The following PARD3B variants were observed in gnomAD, a reference collection of about 807,000 sequenced individuals.
The protein encoded by PARD3B is partitioning defective 3 homolog B.
PARD3B carries 103 observed loss-of-function variants against 130.2 expected under a neutral mutation model. That is an observed-to-expected ratio of 0.79 (90% CI 0.67 to 0.93). The LOEUF (loss-of-function observed/expected upper bound fraction) is 0.93, where lower values mean the gene tolerates loss of function less well. PARD3B is among the 40% of genes least tolerant of loss of function. The pLI is 0.00. For missense variants in PARD3B, 1,609 were observed against 1,499.2 expected (o/e 1.07, Z -1.21); for synonymous variants, 583 against 553.2 (o/e 1.05, Z -0.76).
chr2:205,430,782 G>C (rs2047306159), intron 19 of PARD3B, among the ~76,000 whole-genome samples: 2 of 152,210 alleles, frequency 1.3e-5, no homozygotes, highest in Admixed American at 1.3e-4. Flanking sequence ...GTACAGTTCA[G>C]TACATTTAAT....
chr2:205,002,274 A>AC (rs1694907299), intron 3 of PARD3B, among the ~76,000 whole-genome samples: 1 of 152,198 alleles, frequency 6.6e-6, no homozygotes, highest in Non-Finnish European at 1.5e-5. Context: ...TTTAAAAAGT[A>AC]AAGTCTAAAG....
At chr2:204,701,662 T>C in intron 2 of PARD3B, among the ~76,000 whole-genome samples, 1 of 152,208 alleles carries the variant, frequency 6.6e-6, no homozygotes, top group African/African-American at 2.4e-5. Flanking sequence ...TCTGGAAGTA[T>C]TCACCAATTG....
intron 21 of PARD3B, among the ~76,000 whole-genome samples, chr2:205,500,626 T>G (rs1208314874): frequency 6.6e-6 from 1 of 152,140 alleles, no homozygotes; most frequent in Non-Finnish European, 1.5e-5. Context: ...CACGATTCAC[T>G]CTCTTGTTTT....
chr2:205,193,073 G>A, intron 14 of PARD3B, 132 bp from the exon 15 acceptor site: 1 of 604,476 alleles, frequency 1.7e-6, no homozygotes. Flanking sequence ...TGAGATTTAA[G>A]AATTAGTTGA....
At chr2:205,201,791 C>G (rs908851198) in intron 15 of PARD3B, among the ~76,000 whole-genome samples, 1 of 152,168 alleles carries the variant, frequency 6.6e-6, no homozygotes, top group Non-Finnish European at 1.5e-5. Context: ...GAGCGGAGAT[C>G]ACGCCATTGC....
Position 205,564,935 on chromosome 2 carries a change from C to T in PARD3B, c.3260+11532C>T, listed in dbSNP as rs1450911379. 1.3e-5 allele frequency among the ~76,000 whole-genome samples: 2 copies of T among 152,156 alleles called. No homozygotes were observed. Among genetic ancestry groups the T allele is most frequent in the East Asian group, 1.9e-4 (1 of 5,184 alleles). On this transcript the variant is annotated intron_variant, in intron 22 of 22. Transcript: ENST00000406610. This position sits in a 1 kb window ranked among gnomAD's most constrained non-coding sequence, Gnocchi z 4.6. ...GGCTTGTCTCACCAGAGGGTTGCCC[C>T]ACTCTGCAATCAGAACTGACCCTTA...
rs2035222729 is a variant in PARD3B at position 205,172,365 on chromosome 2, C to G, written c.1775C>G (p.Pro592Arg). ...GMIQLVILRRPERPMEDPAEC... is the reference protein window; with the variant it reads ...GMIQLVILRRRERPMEDPAEC... ...ATCCAGTTGGTGATTCTGAGGAGGCCAGAGAGACCAATGGAGGTGATGCAA... is the reference window on the plus strand; with the variant it reads ...ATCCAGTTGGTGATTCTGAGGAGGCGAGAGAGACCAATGGAGGTGATGCAA... Residue 592 changes from proline (P) to arginine (R), a missense_variant, in exon 12 of 23, where the codon CCA becomes CGA. Transcript: ENST00000406610. 1 of 1,613,758 alleles carries G rather than the reference C, an allele frequency of 6.2e-7. No homozygotes were observed. The highest frequency in any genetic ancestry group is 1.3e-5 in the African/African-American group (1 of 74,898).
At chr2:205,398,464 T>C (rs2046115015) in intron 18 of PARD3B, among the ~76,000 whole-genome samples, 1 of 152,162 alleles carries the variant, frequency 6.6e-6, no homozygotes. Flanking sequence ...TGGGGGATGA[T>C]AGCATTAGAG....
At chr2:204,748,951 A>G (rs1045753462) in intron 2 of PARD3B, among the ~76,000 whole-genome samples, 3 of 152,054 alleles carry the variant, frequency 2.0e-5, no homozygotes, top group African/African-American at 4.8e-5. Flanking sequence ...GTTCTTGCAA[A>G]CTTGATCATT....
At position 205,460,613 on chromosome 2, in the gene PARD3B, A is replaced by G. The variant is rs1179509965; in HGVS notation, c.3044+19941A>G. Among the ~76,000 whole-genome samples the G allele has an allele frequency of 6.6e-6, 1 of 152,160 alleles. No homozygotes were observed. The highest frequency in any genetic ancestry group is 1.9e-4 in the East Asian group (1 of 5,196). On this transcript the variant is annotated intron_variant, in intron 20 of 22. Coordinates refer to ENST00000406610, the MANE Select transcript of PARD3B (RefSeq NM_001302769.2). The surrounding 1 kb of genome is among the most constrained non-coding windows in gnomAD (Gnocchi z 4.9). ...TTGAAGCTGGGCATAAATCCTAGGT[A>G]TAAATCCTAACTCCACAGCTGCTGT...
chr2:205,053,857 C>T (rs1699406125), intron 4 of PARD3B, among the ~76,000 whole-genome samples: 1 of 151,986 alleles, frequency 6.6e-6, no homozygotes, highest in Non-Finnish European at 1.5e-5. Context: ...ATGTAATATA[C>T]TACTGCATTA....
At chr2:205,047,040 T>C (rs991336089) in intron 3 of PARD3B, among the ~76,000 whole-genome samples, 4 of 152,234 alleles carry the variant, frequency 2.6e-5, no homozygotes, top group African/African-American at 9.6e-5. Context: ...TCTATCTACT[T>C]TAGGAGAAGA....
chr2:205,298,478 G>A (rs1042258494), intron 16 of PARD3B, among the ~76,000 whole-genome samples: 6 of 113,924 alleles, frequency 5.3e-5, no homozygotes, highest in African/African-American at 2.0e-4. Context: ...CCTGAAATTT[G>A]TCCCTGAAAT....
chr2:204,914,192 G>T (rs1384053563), intron 2 of PARD3B, among the ~76,000 whole-genome samples: 3 of 152,170 alleles, frequency 2.0e-5, no homozygotes. Flanking sequence ...TCTGTGAGAT[G>T]AGGGTCTGTT....
At chr2:205,219,397 C>T (rs771972214) in intron 15 of PARD3B, among the ~76,000 whole-genome samples, 1 of 152,016 alleles carries the variant, frequency 6.6e-6, no homozygotes, top group African/African-American at 2.4e-5. Flanking sequence ...GCACATAAAC[C>T]CCCAAAGTTA....
chr2:204,829,975 G>A (rs1239873763), intron 2 of PARD3B, among the ~76,000 whole-genome samples: 62 of 145,368 alleles, frequency 4.3e-4, no homozygotes, highest in Non-Finnish European at 3.1e-4. Flanking sequence ...CTCCAGCCTG[G>A]GCGACAGAGC....
chr2:205,197,199 A>G (rs72936148), intron 15 of PARD3B, among the ~76,000 whole-genome samples: 1 of 152,194 alleles, frequency 6.6e-6, no homozygotes, highest in Non-Finnish European at 1.5e-5. Flanking sequence ...TTTTGATTAA[A>G]TCATTTATTT....
At chr2:205,581,281 G>GAT (rs370799984) in intron 22 of PARD3B, among the ~76,000 whole-genome samples, 1 of 101,994 alleles carries the variant, frequency 9.8e-6, no homozygotes, top group African/African-American at 3.9e-5. Flanking sequence ...GATAGATATA[G>GAT]ATATATAGAT....
chr2:205,224,783 A>AT lies in PARD3B; in HGVS notation c.2141-20986dup, dbSNP rs555402187. ...CTTTTTTATGGCTGAATAGTACCTG[A>AT]TTTTTTTTTCTTTTCTCATAATTTT... On this transcript the variant is annotated intron_variant, in intron 15 of 22. Transcript: ENST00000406610. Among the ~76,000 whole-genome samples, 500 of 151,280 alleles carry AT rather than the reference A, an allele frequency of 3.3e-3. 3 individuals are homozygous for AT. Among genetic ancestry groups the AT allele is most frequent in the Admixed American group, 7.2e-3 (109 of 15,164 alleles).
Sources: allele counts gnomAD v4.1 joint callset (sites outside exome capture counted in the v4.1 genomes callset), GRCh38; gene constraint gnomAD v4.1.1; non-coding constraint Gnocchi (gnomAD v3.1); transcripts MANE v1.5; gene names NCBI Gene and HGNC (gene_info 2026-07-23, HGNC 2026-07-21).